Variants in JPH3 observed in about 807,000 individuals in gnomAD.
The protein encoded by JPH3 is junctophilin 3, also known as junctophilin-3.
In JPH3, 11 loss-of-function variants were observed where a neutral mutation model predicts 59.6. The observed-to-expected ratio is 0.18, with a 90% CI of 0.12 to 0.31. The LOEUF (loss-of-function observed/expected upper bound fraction) is 0.31, where lower values mean the gene tolerates loss of function less well. JPH3 is among the 10% of genes least tolerant of loss of function. The pLI is 1.00. For synonymous variants in JPH3, 673 were observed against 483.6 expected (o/e 1.39, Z -5.14); for missense variants, 1,202 against 1,105.7 (o/e 1.09, Z -1.24).
At chr16:87,663,611 TCACATAGGAA>T (rs1262423371) in intron 2 of JPH3, among the ~76,000 whole-genome samples, 1 of 152,066 alleles carries the variant, frequency 6.6e-6, no homozygotes, top group African/African-American at 2.4e-5. Context: ...GCACCTGTGT[TCACATAGGAA>T]CACATAGGAT....
chr16:87,644,483 A>G lies in JPH3; in HGVS notation c.608A>G (p.Asp203Gly), dbSNP rs1238266253. ...RGGFVLVAHS[D>G]SEILKSKKKG... ...GGCTTCGTGCTCGTGGCCCACAGTG[A>G]CTCCGAGATCCTCAAGAGCAAGAAG... The change falls in exon 2 of 5, where the codon GAC becomes GGC. Residue 203 changes from aspartate to glycine, a missense_variant. By Grantham distance (94) the Asp-to-Gly change is moderately conservative. Coordinates refer to ENST00000284262, the MANE Select transcript of JPH3 (RefSeq NM_020655.4). The G allele has an allele frequency of 6.2e-7, 1 of 1,612,590 alleles. No individual in the cohort carries two copies. The highest frequency in any genetic ancestry group is 1.1e-5 in the South Asian group (1 of 91,058).
intron 1 of JPH3, among the ~76,000 whole-genome samples, chr16:87,631,609 C>A (rs1282533745): frequency 6.6e-6 from 1 of 152,154 alleles, no homozygotes; most frequent in Non-Finnish European, 1.5e-5. Context: ...TGTGAGCCCT[C>A]CAGTCTGGAC....
intron 1 of JPH3, among the ~76,000 whole-genome samples, chr16:87,630,408 G>T (rs1354449879): frequency 6.6e-6 from 1 of 152,160 alleles, no homozygotes; most frequent in Non-Finnish European, 1.5e-5. Flanking sequence ...CTTCTGGGGA[G>T]ATCACGAACC....
At chr16:87,691,240 T>C (rs575791065) in intron 4 of JPH3, among the ~76,000 whole-genome samples, 1 of 150,678 alleles carries the variant, frequency 6.6e-6, no homozygotes, top group South Asian at 2.1e-4. Context: ...GGCCTCCCCT[T>C]GAAGGGACCT....
intron 3 of JPH3, among the ~76,000 whole-genome samples, chr16:87,688,751 C>T (rs1359779665): frequency 6.6e-6 from 1 of 152,172 alleles, no homozygotes; most frequent in Non-Finnish European, 1.5e-5. Context: ...TAGGACGCTA[C>T]TTGAGATGAA....
At chr16:87,661,106 T>C (rs12444538) in intron 2 of JPH3, among the ~76,000 whole-genome samples, 36,123 of 152,126 alleles carry the variant, frequency 0.24, 4,826 homozygotes, top group South Asian at 0.39. Context: ...ATGTGTTCCT[T>C]GCCTTTCCCA....
intron 2 of JPH3, among the ~76,000 whole-genome samples, chr16:87,659,188 A>C (rs1226621241): frequency 6.6e-6 from 1 of 152,018 alleles, no homozygotes; most frequent in Non-Finnish European, 1.5e-5. Flanking sequence ...AGCCTGGCCA[A>C]CATGGCAAGA....
chr16:87,619,093 A>T (rs1355181645), intron 1 of JPH3, among the ~76,000 whole-genome samples: 1 of 151,948 alleles, frequency 6.6e-6, no homozygotes, highest in African/African-American at 2.4e-5. Flanking sequence ...GTCTCAAAAA[A>T]AAAAAAAAGG....
chr16:87,616,821 C>T (rs945361884), intron 1 of JPH3, among the ~76,000 whole-genome samples: 3 of 152,198 alleles, frequency 2.0e-5, no homozygotes, highest in Non-Finnish European at 4.4e-5. Context: ...CCTTCAGTTT[C>T]GTCGTTTCCA....
intron 2 of JPH3, among the ~76,000 whole-genome samples, 161 bp downstream of exon 2, chr16:87,645,196 C>T (rs925091105): frequency 3.3e-5 from 5 of 152,188 alleles, no homozygotes; most frequent in Non-Finnish European, 7.3e-5. Context: ...CTAGGGTTCC[C>T]TGGAGGTTCT....
chr16:87,689,460 G>A (rs576665877), intron 3 of JPH3, among the ~76,000 whole-genome samples, 186 bp from the exon 4 acceptor site: 2 of 152,208 alleles, frequency 1.3e-5, no homozygotes, highest in South Asian at 2.1e-4. Context: ...TGGGGACCAC[G>A]GGGGTCCCAC....
intron 3 of JPH3, among the ~76,000 whole-genome samples, chr16:87,688,688 T>A (rs1323941438): frequency 6.6e-6 from 1 of 152,114 alleles, no homozygotes; most frequent in African/African-American, 2.4e-5. Flanking sequence ...CCATTTTGGC[T>A]CGGGCAGGAC....
intron 1 of JPH3, among the ~76,000 whole-genome samples, chr16:87,630,528 C>T (rs1187184778): frequency 6.6e-6 from 1 of 152,224 alleles, no homozygotes; most frequent in Non-Finnish European, 1.5e-5. Context: ...CGAGTCCCCT[C>T]TGAGCCTTAG....
intron 4 of JPH3, 186 bp from the exon 5 acceptor site, chr16:87,696,394 G>A (rs56357811): frequency 2.0e-5 from 12 of 602,196 alleles, no homozygotes; most frequent in Admixed American, 2.9e-5. Context: ...CTTCTCTCCC[G>A]CGTCTGGACT....
In JPH3 at chr16:87,636,936, C is replaced by T. The variant is rs1047417165; in HGVS notation, c.383-7322C>T. The stretch of plus-strand genomic sequence containing the variant: ...TACGCGCAGCGCAGTGGGGCCTGGA[C>T]GCGGCTGCCTGGTTTCAGGTCCACA... On this transcript the variant is annotated intron_variant, in intron 1 of 4. Transcript: ENST00000284262. Among the ~76,000 whole-genome samples, 6 of 152,256 alleles carry T rather than the reference C, an allele frequency of 3.9e-5. No homozygotes were observed. The South Asian group carries it at 1.0e-3, about 26-fold the overall frequency.
rs781048147 is a variant in JPH3, at chr16:87,604,276, C to T, written c.382+748C>T. 8 of 1,435,836 alleles carry T rather than the reference C, an allele frequency of 5.6e-6. No homozygotes were observed. In the African/African-American group the frequency reaches 5.8e-5, roughly 10 times the overall value. The allele number at this position is 1,435,836 out of a possible 1,614,324, so 88.9% of individuals were successfully genotyped here. A position where few individuals can be genotyped will look rare whatever the true frequency, so the allele number is the denominator to read the frequency against. On this transcript the variant is annotated intron_variant, in intron 1 of 4. Coordinates refer to ENST00000284262, the MANE Select transcript of JPH3 (RefSeq NM_020655.4). ...TTCGGGGCAGAGCCGGGGCCGGAAG[C>T]CAGGGAGCTGCCTGCTGCTGCTGCT...
At chr16:87,634,123 T>TG (rs779982806) in intron 1 of JPH3, among the ~76,000 whole-genome samples, 251 of 152,230 alleles carry the variant, frequency 1.6e-3, no homozygotes, top group Non-Finnish European at 2.9e-3. Context: ...GCACGGGGCA[T>TG]GGGGGCCACC....
Position 87,603,046 on chromosome 16 carries a change from A to C in JPH3, c.-101A>C, listed in dbSNP as rs116712838. ...GGGGCCGCGTCCTCCTCTCCTCCGG[A>C]AAACGCTCGCGACCCAGGGCCGCCG... On this transcript the variant is annotated 5_prime_UTR_variant, in exon 1 of 5. Transcript: ENST00000284262. The C allele has an allele frequency of 7.9e-4, 1,173 of 1,480,256 alleles. 8 individuals are homozygous for C. The African/African-American group carries it at 0.015, about 19-fold the overall frequency. The allele number at this position is 1,480,256 out of a possible 1,614,324, so 91.7% of individuals were successfully genotyped here.
intron 2 of JPH3, among the ~76,000 whole-genome samples, chr16:87,670,557 C>T (rs1450443926): frequency 2.0e-5 from 3 of 152,266 alleles, no homozygotes; most frequent in African/African-American, 7.2e-5. Context: ...CCTTCCAAGC[C>T]CATGCCTGGG....
Sources: allele counts gnomAD v4.1 joint callset (sites outside exome capture counted in the v4.1 genomes callset), GRCh38; gene constraint gnomAD v4.1.1; transcripts MANE v1.5; gene names NCBI Gene and HGNC (gene_info 2026-07-23, HGNC 2026-07-21).